ETNPPL: variants seen among roughly 807,000 people sequenced by gnomAD.
ETNPPL encodes the protein ethanolamine-phosphate phospho-lyase.
In ETNPPL, 30 loss-of-function variants were observed where a neutral mutation model predicts 55.5. That is an observed-to-expected ratio of 0.54 (90% CI 0.40 to 0.73). The LOEUF (loss-of-function observed/expected upper bound fraction) is 0.73, where lower values mean the gene tolerates loss of function less well. Ranked by LOEUF, ETNPPL falls within the 30% of genes least tolerant of loss-of-function variation. The probability of loss-of-function intolerance (pLI) is 0.00; values close to 1 mark genes in which losing one functional copy is unlikely to be tolerated. For missense variants in ETNPPL, 528 were observed against 607.9 expected, an observed-to-expected ratio of 0.87 and a Z score of 1.38; for synonymous variants, 202 against 207.2, an observed-to-expected ratio of 0.98 and a Z score of 0.21.
chr4:108,750,619 A>G lies in ETNPPL; in HGVS notation c.701+317T>C, dbSNP rs186965532. Among the ~76,000 whole-genome samples the G allele has an allele frequency of 2.0e-3, 300 of 147,946 alleles. 14 individuals carry two copies. The highest frequency in any genetic ancestry group is 7.3e-3 in the African/African-American group (289 of 39,562). On this transcript the variant is annotated intron_variant, in intron 7 of 12. Transcript: ENST00000296486. ...ATCATATATGATATATATAGGATAT[A>G]TATATATCCTATTAGTTTGGTCCCT...
chr4:108,746,686 G>T, intron 10 of ETNPPL, 76 bp downstream of exon 10: 1 of 1,510,046 alleles, frequency 6.6e-7, no homozygotes, highest in African/African-American at 1.4e-5. Context: ...GGGATGGGAG[G>T]AAGTCAAGCA....
chr4:108,754,851 T>G, intron 4 of ETNPPL, 141 bp from the exon 5 acceptor site: 1 of 619,732 alleles, frequency 1.6e-6, no homozygotes, highest in Non-Finnish European at 2.8e-6. Flanking sequence ...TTTGACTATA[T>G]GGGATCTAAT....
intron 5 of ETNPPL, among the ~76,000 whole-genome samples, chr4:108,753,737 G>A (rs59258194): frequency 0.16 from 10,463 of 64,644 alleles, 846 homozygotes; most frequent in African/African-American, 0.32. Flanking sequence ...ATGAGACTCC[G>A]TCTCAAATAA....
At chr4:108,745,363 G>A (rs1728420904) in intron 11 of ETNPPL, among the ~76,000 whole-genome samples, 1 of 152,146 alleles carries the variant, frequency 6.6e-6, no homozygotes, top group Non-Finnish European at 1.5e-5. Context: ...TTGGGAGGCT[G>A]AGGTGAGCAG....
chr4:108,758,947 G>A (rs1217864674), intron 3 of ETNPPL, among the ~76,000 whole-genome samples: 1 of 152,190 alleles, frequency 6.6e-6, no homozygotes, highest in Non-Finnish European at 1.5e-5. Flanking sequence ...TACTCAGGAG[G>A]CTGAGGCAGG....
At position 108,749,460 on chromosome 4, in the gene ETNPPL, A is replaced by T; in HGVS notation, c.705T>A (p.Tyr235Ter). The T allele has an allele frequency of 6.2e-7, 1 of 1,613,388 alleles. No homozygotes were observed. Among genetic ancestry groups the T allele is most frequent in the East Asian group, 2.2e-5 (1 of 44,850 alleles). Residue 235 changes from tyrosine to a stop codon, truncating the protein, a stop_gained, in exon 8 of 13, where the codon TAT becomes TAA. Coordinates refer to ENST00000296486, the MANE Select transcript of ETNPPL (RefSeq NM_031279.4). LOFTEE classifies it high-confidence loss of function. ...TAAACACACCCCCTGCACCGTGTAC[A>T]TATCTGAAAAGCAAAGCGGCAGTCT... ...PAGYFQKVAE[Y>*]VHGAGGVFIA...
At chr4:108,749,204 C>T (rs1355987784) in intron 8 of ETNPPL, 34 bp downstream of exon 8, 13 of 1,497,902 alleles carry the variant, frequency 8.7e-6, no homozygotes, top group African/African-American at 1.4e-5. Context: ...ATTATTTTTC[C>T]TTCTTAGCAT....
intron 10 of ETNPPL, 85 bp from the exon 11 acceptor site, chr4:108,746,614 G>C: frequency 1.3e-5 from 19 of 1,511,188 alleles, no homozygotes; most frequent in Non-Finnish European, 1.7e-5. Flanking sequence ...AGCAGTTTAA[G>C]TATTCTGCAT....
At chr4:108,753,040 G>C in intron 5 of ETNPPL, 29 bp from the exon 6 acceptor site, 1 of 1,313,866 alleles carries the variant, frequency 7.6e-7, no homozygotes, top group Non-Finnish European at 1.1e-6. Flanking sequence ...GCAGTTGCTT[G>C]TAATTTGCCT....
chr4:108,747,830 G>T (rs1728680626), intron 9 of ETNPPL, 175 bp downstream of exon 9: 1 of 532,370 alleles, frequency 1.9e-6, no homozygotes, highest in Non-Finnish European at 3.2e-6. Context: ...CCAGGCTCAA[G>T]TGATTCTCAT....
At chr4:108,753,973 CTTTTTTT>C (rs1213568977) in intron 5 of ETNPPL, among the ~76,000 whole-genome samples, 8 of 122,786 alleles carry the variant, frequency 6.5e-5, no homozygotes, top group Admixed American at 1.7e-4. Context: ...TTTTTCTTTT[CTTTTTTT>C]TTTTTTTTTT....
At position 108,749,239 on chromosome 4, in the gene ETNPPL, G is replaced by A. The variant is rs753029468; in HGVS notation, c.926C>T (p.Thr309Met). The A allele has an allele frequency of 5.0e-5, 80 of 1,605,384 alleles. No homozygotes were observed. Among genetic ancestry groups the A allele is most frequent in the Middle Eastern group, 1.6e-4 (1 of 6,066 alleles). Residue 309 changes from threonine (T) to methionine (M), a missense_variant and splice_region_variant, in exon 8 of 13, where the codon ACG (threonine) becomes ATG (methionine). Physicochemically the swap from Thr to Met is moderately conservative, Grantham distance 81. Transcript: ENST00000296486. ...FSSSGMEYFN[T>M]YGGNPVSCAV... ...TTAAAGTTGGAGACCAAAATGTACC[G>A]TATTAAAATATTCCATCCCAGAGCT...
Position 108,752,979 on chromosome 4 carries a change from A to G in ETNPPL, c.534T>C (p.Tyr178=), listed in dbSNP as rs761403913. The change falls in exon 6 of 13, where the codon TAT becomes TAC. Residue 178 remains tyrosine, a synonymous_variant. Transcript: ENST00000296486. The part of the protein sequence containing the change: ...APTPDTYRGK[Y]REDHADSASA... ...TGGCTGAGTCTGCATGGTCTTCTCT[A>G]TATTTTCCTCTGTAAGTATCTGGAG... 6.2e-7 allele frequency: 1 copy of G among 1,611,412 alleles called. No individual in the cohort carries two copies. The highest frequency in any genetic ancestry group is 2.2e-5 in the East Asian group (1 of 44,766).
intron 11 of ETNPPL, among the ~76,000 whole-genome samples, chr4:108,745,946 A>AAAAAAAAAAAAC (rs1728467939): frequency 6.6e-6 from 1 of 151,864 alleles, no homozygotes; most frequent in African/African-American, 2.4e-5. Context: ...AAAAAAAAAA[A>AAAAAAAAAAAAC]AAAACCACGC....
chr4:108,750,624 T>C (rs1358515974), intron 7 of ETNPPL, among the ~76,000 whole-genome samples: 1 of 148,478 alleles, frequency 6.7e-6, no homozygotes, highest in Non-Finnish European at 1.5e-5. Flanking sequence ...GATATATATA[T>C]ATCCTATTAG....
At position 108,746,420 on chromosome 4, in the gene ETNPPL, G is replaced by A; in HGVS notation, c.1282C>T (p.Gln428Ter). 11 of 1,613,490 alleles carry A rather than the reference G, an allele frequency of 6.8e-6. No homozygotes were observed. Among genetic ancestry groups the A allele is most frequent in the Non-Finnish European group, 9.3e-6 (11 of 1,179,874 alleles). ...CCACCTGTTAGAATCCTATCAAGTT[G>A]GTCCACCATGAACTTTGCATCTTCT... ...TEEDAKFMVD[Q>*]LDRILTVLEE... The change falls in exon 11 of 13, where the codon CAA (glutamine) becomes TAA (stop). Residue 428 changes from glutamine to a stop codon, truncating the protein, a stop_gained. Coordinates refer to ENST00000296486, the MANE Select transcript of ETNPPL (RefSeq NM_031279.4). LOFTEE classifies it high-confidence loss of function.
chr4:108,750,969 AT>A lies in ETNPPL; in HGVS notation c.667del (p.Ile223PhefsTer22). 1 of 1,613,326 alleles carries A rather than the reference AT, an allele frequency of 6.2e-7. No homozygotes were observed. Among genetic ancestry groups the A allele is most frequent in the South Asian group, 1.1e-5 (1 of 91,078 alleles). ...ESMQSCGGQI[I>X]PPAGYFQKVA... ...TTTCTGGAAGTAGCCTGCTGGAGGAATTATTTGTCCGCCACAACTCTGCATG... is the reference window on the plus strand; with the variant it reads ...TTTCTGGAAGTAGCCTGCTGGAGGAATATTTGTCCGCCACAACTCTGCATG... On this transcript the variant is annotated frameshift_variant, in exon 7 of 13. Coordinates refer to ENST00000296486, the MANE Select transcript of ETNPPL (RefSeq NM_031279.4). LOFTEE classifies it high-confidence loss of function.
At chr4:108,754,414 G>T (rs1729101262) in intron 5 of ETNPPL, among the ~76,000 whole-genome samples, 1 of 152,146 alleles carries the variant, frequency 6.6e-6, no homozygotes, top group Admixed American at 6.5e-5. Context: ...TTTGCCTATT[G>T]TAATACTCAT....
intron 3 of ETNPPL, among the ~76,000 whole-genome samples, 162 bp downstream of exon 3, chr4:108,759,587 C>T (rs1460303836): frequency 5.9e-5 from 9 of 151,942 alleles, no homozygotes; most frequent in Admixed American, 2.0e-4. Context: ...AGTGGGAGAA[C>T]CAGAAAGGCT....
Sources: allele counts gnomAD v4.1 joint callset (sites outside exome capture counted in the v4.1 genomes callset), GRCh38; gene constraint gnomAD v4.1.1; transcripts MANE v1.5; gene names NCBI Gene and HGNC (gene_info 2026-07-23, HGNC 2026-07-21).